SRGAP3: variants seen among roughly 807,000 people sequenced by gnomAD.
The protein encoded by SRGAP3 is SLIT-ROBO Rho GTPase activating protein 3.
Under a neutral mutation model 121.1 loss-of-function variants are expected in SRGAP3, and 39 were observed. That is an observed-to-expected ratio of 0.32 (90% CI 0.25 to 0.42). The LOEUF (loss-of-function observed/expected upper bound fraction) is 0.42, where lower values mean the gene tolerates loss of function less well. Ranked by LOEUF, SRGAP3 falls within the 10% of genes least tolerant of loss-of-function variation. The probability of loss-of-function intolerance (pLI) is 1.00; values close to 1 mark genes in which losing one functional copy is unlikely to be tolerated. For missense variants in SRGAP3, 1,213 were observed against 1,470.6 expected (o/e 0.82, Z 2.86); for synonymous variants, 601 against 570.0 (o/e 1.05, Z -0.77).
chr3:9,131,225 T>G (rs1949432062), intron 1 of SRGAP3, among the ~76,000 whole-genome samples: 1 of 151,954 alleles, frequency 6.6e-6, no homozygotes, highest in East Asian at 1.9e-4. Context: ...TCAGCAGACG[T>G]TTCCCCCCCG....
intron 4 of SRGAP3, among the ~76,000 whole-genome samples, chr3:9,076,482 C>T (rs1946981540): frequency 6.6e-6 from 1 of 152,078 alleles, no homozygotes; most frequent in Non-Finnish European, 1.5e-5. Context: ...ATTGATTTGG[C>T]CAAGCTCGTA....
chr3:9,019,439 A>G (rs538342054), intron 14 of SRGAP3, among the ~76,000 whole-genome samples: 2 of 152,346 alleles, frequency 1.3e-5, no homozygotes, highest in East Asian at 3.9e-4. Flanking sequence ...GCACTTTTCA[A>G]TTTAATCAGA....
chr3:9,072,931 G>C (rs1295214642), intron 4 of SRGAP3, among the ~76,000 whole-genome samples: 3 of 152,156 alleles, frequency 2.0e-5, no homozygotes, highest in Non-Finnish European at 4.4e-5. Flanking sequence ...AGGATCCTTT[G>C]ATTACATCAG....
chr3:9,083,517 T>C (rs941353605), intron 3 of SRGAP3, among the ~76,000 whole-genome samples: 2 of 152,246 alleles, frequency 1.3e-5, no homozygotes, highest in Non-Finnish European at 2.9e-5. Flanking sequence ...CACTTAACGA[T>C]ATCTCTGAGA....
At chr3:9,061,919 GT>G (rs1946192845) in intron 5 of SRGAP3, among the ~76,000 whole-genome samples, 1 of 152,208 alleles carries the variant, frequency 6.6e-6, no homozygotes, top group African/African-American at 2.4e-5. Flanking sequence ...TCCCATTGCT[GT>G]GTAAAAAGTC....
chr3:9,228,482 G>A (rs1574906820), intron 1 of SRGAP3, among the ~76,000 whole-genome samples: 1 of 152,172 alleles, frequency 6.6e-6, no homozygotes, highest in African/African-American at 2.4e-5. Context: ...TTTTTCTCCT[G>A]TTGAGTCCTG....
chr3:9,329,489 G>C (rs36102348), intron 2 of SRGAP3, among the ~76,000 whole-genome samples: 36,920 of 152,064 alleles, frequency 0.24, 4,677 homozygotes, highest in Middle Eastern at 0.29. Flanking sequence ...AAACCAGCAA[G>C]GCTTACATTT....
At chr3:9,314,526 C>T (rs1955309834) in intron 3 of SRGAP3, among the ~76,000 whole-genome samples, 1 of 152,160 alleles carries the variant, frequency 6.6e-6, no homozygotes, top group Admixed American at 6.5e-5. Flanking sequence ...TCCCTGCTCT[C>T]ATGGGCACAC....
intron 4 of SRGAP3, among the ~76,000 whole-genome samples, chr3:9,075,296 G>A (rs1946909911): frequency 6.6e-6 from 1 of 152,200 alleles, no homozygotes; most frequent in African/African-American, 2.4e-5. Context: ...TTGCATATAT[G>A]TGTATGTACA....
chr3:9,319,645 A>T (rs1955408474), intron 3 of SRGAP3, among the ~76,000 whole-genome samples: 1 of 151,942 alleles, frequency 6.6e-6, no homozygotes, highest in South Asian at 2.1e-4. Flanking sequence ...AGTGCAGAAA[A>T]TTAACTCCAA....
chr3:9,242,834 A>G (rs1953693666), intron 1 of SRGAP3, among the ~76,000 whole-genome samples: 1 of 152,074 alleles, frequency 6.6e-6, no homozygotes, highest in African/African-American at 2.4e-5. Flanking sequence ...ACAGGCATGT[A>G]TCACCACACC....
At chr3:9,357,237 C>T (rs2030564162) in intron 1 of SRGAP3, among the ~76,000 whole-genome samples, 1 of 152,016 alleles carries the variant, frequency 6.6e-6, no homozygotes, top group Non-Finnish European at 1.5e-5. Context: ...AGAGTGAGAC[C>T]TCATCTCAAA....
chr3:9,329,873 T>C (rs1955577541), intron 2 of SRGAP3, among the ~76,000 whole-genome samples: 1 of 152,120 alleles, frequency 6.6e-6, no homozygotes, highest in Non-Finnish European at 1.5e-5. Flanking sequence ...GGCAGATTAT[T>C]CCAAACAGAA....
intron 1 of SRGAP3, among the ~76,000 whole-genome samples, chr3:9,143,713 G>T (rs1410041382): frequency 2.1e-4 from 32 of 152,116 alleles, no homozygotes; most frequent in Admixed American, 2.1e-3. Flanking sequence ...CCCATAGGAA[G>T]TGTACATGAT....
At chr3:9,123,180 G>T (rs1030734689) in intron 2 of SRGAP3, among the ~76,000 whole-genome samples, 2 of 152,150 alleles carry the variant, frequency 1.3e-5, no homozygotes, top group Non-Finnish European at 2.9e-5. Context: ...CAGCTGGAAG[G>T]CGTGGCAGGG....
At chr3:8,997,488 C>T (rs866785218) in intron 18 of SRGAP3, among the ~76,000 whole-genome samples, 9 of 152,224 alleles carry the variant, frequency 5.9e-5, no homozygotes, top group Non-Finnish European at 5.9e-5. Flanking sequence ...CCTCAGAAGG[C>T]TTCCCATGGA....
At chr3:9,093,313 T>C (rs1028060882) in intron 3 of SRGAP3, among the ~76,000 whole-genome samples, 7 of 152,338 alleles carry the variant, frequency 4.6e-5, no homozygotes, top group South Asian at 2.1e-4. Flanking sequence ...GAGGTTTGCA[T>C]TGGCATTTCA....
At chr3:9,085,610 TAC>T (rs1227421520) in intron 3 of SRGAP3, among the ~76,000 whole-genome samples, 1 of 152,162 alleles carries the variant, frequency 6.6e-6, no homozygotes, top group Non-Finnish European at 1.5e-5. Context: ...GGTACATATA[TAC>T]CATGGAATAC....
At chr3:9,115,573 G>A (rs756298093) in intron 2 of SRGAP3, among the ~76,000 whole-genome samples, 26 of 152,232 alleles carry the variant, frequency 1.7e-4, no homozygotes, top group Non-Finnish European at 1.6e-4. Flanking sequence ...AGAGATAAAG[G>A]AGCTACAGCC....
Sources: gnomAD v4.1 joint callset for allele counts (sites outside exome capture counted in the v4.1 genomes callset) on GRCh38, gnomAD v4.1.1 for gene constraint, MANE v1.5 for transcripts, NCBI Gene and HGNC (gene_info 2026-07-23, HGNC 2026-07-21) for gene names.